The following DAB1 variants were observed in gnomAD, a reference collection of about 807,000 sequenced individuals.
DAB1 encodes DAB adaptor protein 1.
Under a neutral mutation model 64.6 loss-of-function variants are expected in DAB1, and 15 were observed. That is an observed-to-expected ratio of 0.23 (90% confidence interval 0.16 to 0.36). The LOEUF (loss-of-function observed/expected upper bound fraction) is 0.36, where lower values mean the gene tolerates loss of function less well. DAB1 is among the 10% of genes least tolerant of loss of function. DAB1 has a pLI of 1.00. For synonymous variants in DAB1, 235 were observed against 251.9 expected (o/e 0.93, Z 0.64); for missense variants, 596 against 706.7 (o/e 0.84, Z 1.78).
intron 7 of DAB1, among the ~76,000 whole-genome samples, chr1:57,447,804 C>T (rs1686201755): frequency 6.6e-6 from 1 of 152,106 alleles, no homozygotes; most frequent in Non-Finnish European, 1.5e-5. Flanking sequence ...CCAGGCAGGA[C>T]TCCTTTAGGT....
At chr1:58,387,594 C>T (rs2406788) in intron 3 of DAB1, among the ~76,000 whole-genome samples, 40,756 of 151,868 alleles carry the variant, frequency 0.27, 6,026 homozygotes, top group East Asian at 0.42. Flanking sequence ...GAGCTGCACT[C>T]AGAAGAATAA....
intron 7 of DAB1, among the ~76,000 whole-genome samples, chr1:57,596,197 C>T (rs1055371398): frequency 1.3e-5 from 2 of 152,152 alleles, no homozygotes; most frequent in African/African-American, 4.8e-5. Context: ...CTGAAAGTCC[C>T]CTGTTGAGCT....
chr1:57,493,783 C>A (rs886069144), intron 7 of DAB1, among the ~76,000 whole-genome samples: 4 of 152,134 alleles, frequency 2.6e-5, no homozygotes, highest in African/African-American at 9.7e-5. Context: ...CACACACACA[C>A]ACACACATTG....
At chr1:58,410,888 A>C (rs1292954725) in intron 3 of DAB1, among the ~76,000 whole-genome samples, 1 of 152,134 alleles carries the variant, frequency 6.6e-6, no homozygotes, top group African/African-American at 2.4e-5. Flanking sequence ...AGTCTGCTTT[A>C]CTCCACCGTA....
intron 1 of DAB1, among the ~76,000 whole-genome samples, chr1:57,361,330 C>T (rs564463038): frequency 3.6e-4 from 55 of 152,134 alleles, no homozygotes; most frequent in Non-Finnish European, 5.1e-4. Context: ...AGAGCATGGA[C>T]GTGGAATCAG....
At chr1:58,098,541 A>T (rs1272968415) in intron 5 of DAB1, among the ~76,000 whole-genome samples, 2 of 152,328 alleles carry the variant, frequency 1.3e-5, no homozygotes, top group Non-Finnish European at 2.9e-5. Flanking sequence ...ACCAGGAGTC[A>T]TGAACTATTA....
chr1:57,392,544 C>T (rs1442692600), intron 1 of DAB1, among the ~76,000 whole-genome samples: 1 of 152,100 alleles, frequency 6.6e-6, no homozygotes, highest in East Asian at 1.9e-4. Flanking sequence ...CGAGGAAAAA[C>T]CTTAAACCAA....
intron 6 of DAB1, among the ~76,000 whole-genome samples, chr1:57,740,046 C>CAAAAAAAAAAAAAAAAAA (rs34382329): frequency 9.7e-6 from 1 of 103,142 alleles, no homozygotes; most frequent in Non-Finnish European, 1.9e-5. Flanking sequence ...ACTACTACTA[C>CAAAAAAAAAAAAAAAAAA]AAAAAAAAAA....
At chr1:57,866,182 A>T (rs1480265071) in intron 1 of DAB1, 1 of 152,238 alleles carries the variant, frequency 6.6e-6, no homozygotes, top group Non-Finnish European at 1.5e-5. Context: ...TAAATGCAAT[A>T]ACGTATACAA....
At chr1:58,352,835 G>A (rs1644071831) in intron 3 of DAB1, among the ~76,000 whole-genome samples, 1 of 152,076 alleles carries the variant, frequency 6.6e-6, no homozygotes, top group Non-Finnish European at 1.5e-5. Flanking sequence ...AGAGCCCAGA[G>A]ACTCCCTCTC....
intron 3 of DAB1, among the ~76,000 whole-genome samples, chr1:58,355,829 G>A (rs1205055926): frequency 3.3e-5 from 5 of 152,072 alleles, no homozygotes; most frequent in African/African-American, 1.2e-4. Context: ...GCCTCTAATC[G>A]CAGGAACATG....
At chr1:57,605,408 A>G (rs1486143330) in intron 7 of DAB1, among the ~76,000 whole-genome samples, 4 of 152,222 alleles carry the variant, frequency 2.6e-5, no homozygotes, top group Non-Finnish European at 5.9e-5. Flanking sequence ...CTATTTACCC[A>G]GAAACTGTCA....
chr1:58,369,901 GATC>G (rs1427177507), intron 3 of DAB1, among the ~76,000 whole-genome samples: 2 of 152,170 alleles, frequency 1.3e-5, no homozygotes, highest in African/African-American at 4.8e-5. Flanking sequence ...GTTAAAATAT[GATC>G]ATGTCAAGTA....
At chr1:57,260,590 C>T (rs138546253) in intron 2 of DAB1, among the ~76,000 whole-genome samples, 221 of 152,284 alleles carry the variant, frequency 1.5e-3, no homozygotes, top group African/African-American at 5.1e-3. Context: ...ACACAAACCC[C>T]ACAGATCCTG....
At chr1:57,790,302 A>G (rs909871233) in intron 6 of DAB1, among the ~76,000 whole-genome samples, 1 of 152,132 alleles carries the variant, frequency 6.6e-6, no homozygotes, top group Non-Finnish European at 1.5e-5. Flanking sequence ...ATGCTTTTAC[A>G]AGGGGCTTTC....
At chr1:57,064,750 T>A (rs1047237493) in intron 8 of DAB1, among the ~76,000 whole-genome samples, 1 of 152,182 alleles carries the variant, frequency 6.6e-6, no homozygotes, top group Non-Finnish European at 1.5e-5. Flanking sequence ...TCATCTACAC[T>A]CTTGCAGAAA....
At chr1:57,606,165 C>T in intron 7 of DAB1, 1 of 221,948 alleles carries the variant, frequency 4.5e-6, no homozygotes. Flanking sequence ...GAATTGCCAC[C>T]TCCGGCTCCA....
chr1:57,567,602 C>CA, intron 7 of DAB1, among the ~76,000 whole-genome samples: 2 of 152,298 alleles, frequency 1.3e-5, no homozygotes, highest in African/African-American at 4.8e-5. Flanking sequence ...AATCAATGTA[C>CA]AAAAATCACA....
chr1:58,402,648 G>C (rs1202167532), intron 3 of DAB1, among the ~76,000 whole-genome samples: 1 of 151,116 alleles, frequency 6.6e-6, no homozygotes, highest in Non-Finnish European at 1.5e-5. Flanking sequence ...GAAAGGAGGA[G>C]GGGGGGAGAG....
Sources: allele counts gnomAD v4.1 joint callset (sites outside exome capture counted in the v4.1 genomes callset), GRCh38; gene constraint gnomAD v4.1.1; transcripts MANE v1.5; gene names NCBI Gene and HGNC (gene_info 2026-07-23, HGNC 2026-07-21).